TNKS: variants seen among roughly 807,000 people sequenced by gnomAD.
The protein encoded by TNKS is poly [ADP-ribose] polymerase tankyrase-1.
In TNKS, 72 loss-of-function variants were observed where a neutral mutation model predicts 135.8. The observed-to-expected ratio is 0.53, with a 90% CI of 0.44 to 0.64. The LOEUF is 0.64. TNKS is among the 30% of genes least tolerant of loss of function. TNKS has a pLI of 0.00. For missense variants in TNKS, 1,769 were observed against 1,674.0 expected (o/e 1.06, Z -0.99); for synonymous variants, 849 against 649.3 (o/e 1.31, Z -4.68).
In TNKS at chr8:9,776,929, T is replaced by C; in HGVS notation, c.*193T>C. 1.9e-6 allele frequency: 1 copy of C among 529,338 alleles called. No homozygotes were observed. The allele number at this position is 529,338 out of a possible 1,614,324, so 32.8% of individuals were successfully genotyped here. A position where few individuals can be genotyped will look rare whatever the true frequency, so the allele number is the denominator to read the frequency against. On this transcript the variant is annotated 3_prime_UTR_variant, in exon 27 of 27. Coordinates refer to ENST00000310430, the MANE Select transcript of TNKS (RefSeq NM_003747.3). ...ACATACTCAACTGCTACTGTTCCCT[T>C]TGAGGAAATGTTTACAGGGGCGGCC...
intron 22 of TNKS, among the ~76,000 whole-genome samples, chr8:9,763,999 G>A (rs1239732693): frequency 3.9e-5 from 6 of 152,190 alleles, no homozygotes; most frequent in African/African-American, 9.6e-5. Context: ...CATACGTAGC[G>A]CATCAGGAAG....
intron 17 of TNKS, 91 bp downstream of exon 17, chr8:9,735,577 G>C (rs2128819730): frequency 2.2e-6 from 2 of 914,052 alleles, no homozygotes; most frequent in East Asian, 2.4e-5. Context: ...GAGGAAGGTA[G>C]ATCACGAGGT....
intron 1 of TNKS, among the ~76,000 whole-genome samples, chr8:9,559,004 A>G (rs1797205553): frequency 6.6e-6 from 1 of 152,210 alleles, no homozygotes; most frequent in Non-Finnish European, 1.5e-5. Flanking sequence ...AAGATGAGAA[A>G]TTGGTACAAT....
At position 9,741,743 on chromosome 8, in the gene TNKS, C is replaced by G. The variant is rs374031731; in HGVS notation, c.2643+6257C>G. 33 of 529,408 alleles carry G rather than the reference C, an allele frequency of 6.2e-5. No individual in the cohort carries two copies. The African/African-American group carries it at 6.3e-4, about 10-fold the overall frequency. 32.8% of individuals were successfully genotyped at this position (529,408 alleles called of 1,614,324 possible). A position where few individuals can be genotyped will look rare whatever the true frequency, so the allele number is the denominator to read the frequency against. ...AAAATGTACAGTGGTTCTCTTGTGG[C>G]TCAAGCGTAATGTAGAGTACTGGTC... On this transcript the variant is annotated intron_variant, in intron 17 of 26. Coordinates refer to ENST00000310430, the MANE Select transcript of TNKS (RefSeq NM_003747.3).
chr8:9,610,382 C>T (rs926083258), intron 2 of TNKS, among the ~76,000 whole-genome samples: 1 of 151,042 alleles, frequency 6.6e-6, no homozygotes, highest in Non-Finnish European at 1.5e-5. Context: ...AATATAATGG[C>T]ATAGTTTATG....
chr8:9,658,195 G>A (rs1323765134), intron 3 of TNKS: 25 of 261,634 alleles, frequency 9.6e-5, no homozygotes, highest in Middle Eastern at 1.1e-3. Flanking sequence ...CATCCCAGAC[G>A]ATGGGCGGCC....
In TNKS at chr8:9,747,773, G is replaced by T. The variant is rs553641993; in HGVS notation, c.2644-251G>T. Reference sequence around the variant, plus strand: ...AATATATTAGAGGGATGCATTTTTTGAAAAAAAGCCCATGAACAGTTACAG... The same window carrying T: ...AATATATTAGAGGGATGCATTTTTTTAAAAAAAGCCCATGAACAGTTACAG... On this transcript the variant is annotated intron_variant, in intron 17 of 26. Coordinates refer to ENST00000310430, the MANE Select transcript of TNKS (RefSeq NM_003747.3). Among the ~76,000 whole-genome samples, 152 of 151,772 alleles carry T rather than the reference G, an allele frequency of 1.0e-3. 6 individuals are homozygous for T. In the South Asian group the frequency reaches 0.031, roughly 30 times the overall value.
In TNKS at chr8:9,778,263, A is replaced by T. The variant is rs1808315090; in HGVS notation, c.*1527A>T. 1 of 152,396 alleles carries T rather than the reference A, an allele frequency of 6.6e-6. No individual in the cohort carries two copies. The highest frequency in any genetic ancestry group is 2.1e-4 in the South Asian group (1 of 4,830). The allele number at this position is 152,396 out of a possible 1,614,324, so 9.4% of individuals were successfully genotyped here. ...TGCATCTACTCTGCTTTGAAGCGAAAGAAATATAAACACGAGGAGGAATAG... is the reference window on the plus strand; with the variant it reads ...TGCATCTACTCTGCTTTGAAGCGAATGAAATATAAACACGAGGAGGAATAG... On this transcript the variant is annotated 3_prime_UTR_variant, in exon 27 of 27. Coordinates refer to ENST00000310430, the MANE Select transcript of TNKS (RefSeq NM_003747.3).
At chr8:9,606,211 T>C (rs1212485122) in intron 2 of TNKS, among the ~76,000 whole-genome samples, 5 of 143,236 alleles carry the variant, frequency 3.5e-5, no homozygotes, top group East Asian at 2.1e-4. Flanking sequence ...ATTTGTTGAA[T>C]AGGCTATTTT....
intron 5 of TNKS, among the ~76,000 whole-genome samples, chr8:9,698,849 A>G (rs1267061301): frequency 6.6e-6 from 1 of 152,218 alleles, no homozygotes; most frequent in Non-Finnish European, 1.5e-5. Flanking sequence ...GTTTTTTCTT[A>G]TAGCCTGAAT....
intron 8 of TNKS, 106 bp from the exon 9 acceptor site, chr8:9,708,263 AAT>A: frequency 9.6e-7 from 1 of 1,036,644 alleles, no homozygotes; most frequent in East Asian, 2.9e-5. Context: ...CTGTTGTTAA[AAT>A]AGAGAAATTC....
chr8:9,598,743 GTATA>G (rs1361024486), intron 2 of TNKS, among the ~76,000 whole-genome samples: 16 of 105,880 alleles, frequency 1.5e-4, no homozygotes, highest in East Asian at 5.6e-4. Flanking sequence ...GTCTGTGTGT[GTATA>G]TATGTATATG....
At chr8:9,701,285 G>T (rs1033735758) in intron 5 of TNKS, among the ~76,000 whole-genome samples, 2 of 152,128 alleles carry the variant, frequency 1.3e-5, no homozygotes, top group African/African-American at 2.4e-5. Flanking sequence ...ATTCATTTGA[G>T]AACTTTTGTT....
At chr8:9,642,227 A>G (rs1283948544) in intron 3 of TNKS, among the ~76,000 whole-genome samples, 2 of 146,506 alleles carry the variant, frequency 1.4e-5, no homozygotes, top group African/African-American at 5.1e-5. Context: ...CAATTAAACC[A>G]CATTTACTCA....
At chr8:9,713,866 T>C (rs1348735156) in intron 11 of TNKS, among the ~76,000 whole-genome samples, 1 of 152,170 alleles carries the variant, frequency 6.6e-6, no homozygotes, top group African/African-American at 2.4e-5. Context: ...TAGTATTTCT[T>C]TCTGAGGAAC....
intron 3 of TNKS, among the ~76,000 whole-genome samples, chr8:9,635,613 T>A (rs1800480000): frequency 6.6e-6 from 1 of 152,182 alleles, no homozygotes; most frequent in Non-Finnish European, 1.5e-5. Flanking sequence ...CTGACAATAC[T>A]TTTTTTGGAT....
intron 5 of TNKS, among the ~76,000 whole-genome samples, chr8:9,683,673 G>T (rs903605649): frequency 2.6e-5 from 4 of 151,872 alleles, no homozygotes; most frequent in Admixed American, 2.6e-4. Flanking sequence ...GGGGGTTTGA[G>T]ACTTTAGGTT....
chr8:9,649,878 C>CTTTTTTTTTTTTTTTTTTTTT (rs71201959), intron 3 of TNKS, among the ~76,000 whole-genome samples: 3 of 83,364 alleles, frequency 3.6e-5, no homozygotes, highest in African/African-American at 1.6e-4. Context: ...CTTTTCTTTT[C>CTTTTTTTTTTTTTTTTTTTTT]TTTTTTTTTT....
intron 1 of TNKS, among the ~76,000 whole-genome samples, chr8:9,570,745 A>G (rs1015723980): frequency 4.6e-5 from 7 of 152,172 alleles, no homozygotes; most frequent in Non-Finnish European, 7.3e-5. Context: ...CTGTGACCAC[A>G]CATTGAGGTG....
Sources: allele counts gnomAD v4.1 joint callset (sites outside exome capture counted in the v4.1 genomes callset), GRCh38; gene constraint gnomAD v4.1.1; transcripts MANE v1.5; gene names NCBI Gene and HGNC (gene_info 2026-07-23, HGNC 2026-07-21).